Variants in ZC3H14 observed in about 807,000 individuals in gnomAD.
The protein encoded by ZC3H14 is zinc finger CCCH-type containing 14, also known as zinc finger CCCH domain-containing protein 14.
Under a neutral mutation model 92.4 loss-of-function variants are expected in ZC3H14, and 31 were observed. The ratio of observed to expected loss-of-function variants is 0.34; its 90% CI spans 0.25 to 0.45. The LOEUF (loss-of-function observed/expected upper bound fraction) is 0.45. ZC3H14 is among the 20% of genes least tolerant of loss of function. ZC3H14 has a pLI of 1.00. For missense variants in ZC3H14, 781 were observed against 897.3 expected, an observed-to-expected ratio of 0.87 and a Z score of 1.66; for synonymous variants, 321 against 300.9, an observed-to-expected ratio of 1.07 and a Z score of -0.69.
In ZC3H14 at chr14:88,586,393, A is replaced by T. The variant is rs1031592124; in HGVS notation, c.1279+8253A>T. Among the ~76,000 whole-genome samples, 3 of 152,194 alleles carry T rather than the reference A, an allele frequency of 2.0e-5. No individual in the cohort carries two copies. The South Asian group carries it at 6.2e-4, about 31-fold the overall frequency. On this transcript the variant is annotated intron_variant, in intron 9 of 16. Transcript: ENST00000251038. Reference sequence around the variant, plus strand: ...TTGGCAATATATTTTCCAAGAGTCTATTCACCTGTGAGTGTTTTCTTTCTT... The same window carrying T: ...TTGGCAATATATTTTCCAAGAGTCTTTTCACCTGTGAGTGTTTTCTTTCTT...
intron 5 of ZC3H14, 92 bp downstream of exon 5, chr14:88,572,317 G>T (rs1353180781): frequency 5.7e-6 from 8 of 1,412,858 alleles, no homozygotes; most frequent in Non-Finnish European, 7.8e-6. Flanking sequence ...GCTGTTCTCA[G>T]CAATTTTTAG....
Position 88,572,180 on chromosome 14 carries a change from C to A in ZC3H14, c.386C>A (p.Ser129Tyr). Reference sequence around the variant, plus strand: ...AGCGCGAGACCTGAAAAAAGAGATTCCAGAGTTTCTACAAGTTCGCAGGAG... The same window carrying A: ...AGCGCGAGACCTGAAAAAAGAGATTACAGAGTTTCTACAAGTTCGCAGGAG... ...IPSARPEKRD[S>Y]RVSTSSQESK... The change falls in exon 5 of 17, where the codon TCC (serine) becomes TAC (tyrosine). Residue 129 changes from serine (S) to tyrosine (Y), a missense_variant. This residue lies in a region of ZC3H14 where 454 missense variants were observed against 438.5 expected (regional missense o/e 1.04). Coordinates refer to ENST00000251038, the MANE Select transcript of ZC3H14 (RefSeq NM_024824.5). 6.2e-7 allele frequency: 1 copy of A among 1,614,064 alleles called. No individual in the cohort carries two copies. Among genetic ancestry groups the A allele is most frequent in the Non-Finnish European group, 8.5e-7 (1 of 1,180,022 alleles).
At chr14:88,588,254 CCCTGAGTCGGCTCTGCAATT>C (rs1421225834) in intron 9 of ZC3H14, among the ~76,000 whole-genome samples, 2 of 152,146 alleles carry the variant, frequency 1.3e-5, no homozygotes, top group African/African-American at 2.4e-5. Flanking sequence ...CGCCCTCCTC[CCCTGAGTCGGCTCTGCAATT>C]CCTGAATTCC....
intron 9 of ZC3H14, among the ~76,000 whole-genome samples, chr14:88,586,147 G>A (rs1056017996): frequency 2.0e-4 from 30 of 152,122 alleles, no homozygotes; most frequent in East Asian, 7.7e-4. Context: ...CAGCCTGAGC[G>A]ACAAAGCGAC....
chr14:88,569,296 C>G (rs2080093645), intron 3 of ZC3H14, among the ~76,000 whole-genome samples: 1 of 152,134 alleles, frequency 6.6e-6, no homozygotes, highest in Non-Finnish European at 1.5e-5. Context: ...CTGTTTCTCA[C>G]TTTTCTGTTT....
At position 88,563,094 on chromosome 14, in the gene ZC3H14, A is replaced by G; in HGVS notation, c.-40A>G. On this transcript the variant is annotated 5_prime_UTR_variant, in exon 1 of 17. Transcript: ENST00000251038. ...GTCCGCGGCAGCCTCCGGGTAAGCCAAGCGCCGCGCAGTGCTGAGTTCCCG... is the reference window on the plus strand; with the variant it reads ...GTCCGCGGCAGCCTCCGGGTAAGCCGAGCGCCGCGCAGTGCTGAGTTCCCG... 1.3e-6 allele frequency: 2 copies of G among 1,566,508 alleles called. 1 individual carries two copies. The highest frequency in any genetic ancestry group is 2.3e-5 in the South Asian group (2 of 85,822).
In ZC3H14 at chr14:88,572,150, T is replaced by C. The variant is rs2080499365; in HGVS notation, c.356T>C (p.Ile119Thr). The change falls in exon 5 of 17, where the codon ATT becomes ACT. Residue 119 changes from isoleucine (I) to threonine (T), a missense_variant. Coordinates refer to ENST00000251038, the MANE Select transcript of ZC3H14 (RefSeq NM_024824.5). ...GAAGCTGCAGTGCCACCACTTGCCA[T>C]TCCTAGCGCGAGACCTGAAAAAAGA... ...RHEAAVPPLA[I>T]PSARPEKRDS... 1.2e-6 allele frequency: 2 copies of C among 1,614,122 alleles called. No individual in the cohort carries two copies. The highest frequency in any genetic ancestry group is 8.5e-7 in the Non-Finnish European group (1 of 1,180,024).
chr14:88,609,716 T>C lies in ZC3H14; in HGVS notation c.2010T>C (p.Val670=). The change falls in exon 15 of 17, where the codon GTT becomes GTC. Residue 670 remains valine, a synonymous_variant. Transcript: ENST00000251038. ...RIPVLSPKPA[V]APPAPPSSSQ... is the part of the protein sequence containing the mutation. ...TCCTGGTTTTTATTTTGTTAGCAGT[T>C]GCACCACCAGCACCACCTTCCAGTA... 6.2e-7 allele frequency: 1 copy of C among 1,614,178 alleles called. No individual in the cohort carries two copies. The highest frequency in any genetic ancestry group is 8.5e-7 in the Non-Finnish European group (1 of 1,180,018).
chr14:88,616,723 T>G lies in ZC3H14; in HGVS notation c.*4972T>G. ...GATAATAGTAAACAAAACACAAACT[T>G]ACAAATTTTTCTGGACATGGGAAGT... On this transcript the variant is annotated 3_prime_UTR_variant, in exon 17 of 17. Coordinates refer to ENST00000251038, the MANE Select transcript of ZC3H14 (RefSeq NM_024824.5). The G allele has an allele frequency of 1.2e-6, 2 of 1,611,016 alleles. No individual in the cohort carries two copies. Among genetic ancestry groups the G allele is most frequent in the Non-Finnish European group, 1.7e-6 (2 of 1,178,372 alleles).
intron 10 of ZC3H14, among the ~76,000 whole-genome samples, chr14:88,601,469 C>T (rs2084637995): frequency 6.6e-6 from 1 of 152,206 alleles, no homozygotes; most frequent in Non-Finnish European, 1.5e-5. Context: ...GGAAATTATA[C>T]CACTTGAATT....
rs2080598726 is a variant in ZC3H14 at position 88,572,755 on chromosome 14, T to TA, written c.610dup (p.Thr204AsnfsTer10). 6.2e-7 allele frequency: 1 copy of TA among 1,614,186 alleles called. No individual in the cohort carries two copies. Among genetic ancestry groups the TA allele is most frequent in the Non-Finnish European group, 8.5e-7 (1 of 1,180,034 alleles). ...CTCAGAAAAAACCTACAGTGACACT[T>TA]ACATATGGTTCTTCTCGCCCTTCTA... On this transcript the variant is annotated frameshift_variant, in exon 6 of 17. Transcript: ENST00000251038. LOFTEE classifies it high-confidence loss of function.
At chr14:88,610,965 CA>C in intron 16 of ZC3H14, 25 bp downstream of exon 16, 1 of 1,556,944 alleles carries the variant, frequency 6.4e-7, no homozygotes, top group Non-Finnish European at 8.8e-7. Flanking sequence ...TCGTTTTTCT[CA>C]TGTCAGTTCA....
chr14:88,587,162 A>T lies in ZC3H14; in HGVS notation c.1279+9022A>T, dbSNP rs144693344. ...GACTTCTGAAAGATATGTATCCTTC[A>T]ATTCCTTTTTTTTTTTGGAGGTAGA... On this transcript the variant is annotated intron_variant, in intron 9 of 16. Coordinates refer to ENST00000251038, the MANE Select transcript of ZC3H14 (RefSeq NM_024824.5). Among the ~76,000 whole-genome samples, 457 of 121,350 alleles carry T rather than the reference A, an allele frequency of 3.8e-3. 3 individuals are homozygous for T. Among genetic ancestry groups the T allele is most frequent in the African/African-American group, 0.012 (443 of 38,242 alleles). 79.6% of individuals were successfully genotyped at this position (121,350 alleles called of 152,430 possible).
intron 10 of ZC3H14, among the ~76,000 whole-genome samples, chr14:88,600,062 C>T (rs2084389031): frequency 6.6e-6 from 1 of 152,258 alleles, no homozygotes; most frequent in Non-Finnish European, 1.5e-5. Flanking sequence ...GAATTTTCTA[C>T]TTCCTCTTAA....
Position 88,609,810 on chromosome 14 carries a change from A to C in ZC3H14, c.2097+7A>C. On this transcript the variant is annotated splice_region_variant and intron_variant, in intron 15 of 16. Transcript: ENST00000251038. The stretch of plus-strand genomic sequence containing the variant: ...TCCCTTCTATCATCCAAAAGTAAGA[A>C]CTTCTATTTTCTCAAATCAATTTAG... The C allele has an allele frequency of 6.2e-7, 1 of 1,612,842 alleles. No homozygotes were observed. Among genetic ancestry groups the C allele is most frequent in the Non-Finnish European group, 8.5e-7 (1 of 1,179,038 alleles).
intron 9 of ZC3H14, among the ~76,000 whole-genome samples, chr14:88,583,983 T>A (rs1299795443): frequency 6.6e-6 from 1 of 152,250 alleles, no homozygotes; most frequent in African/African-American, 2.4e-5. Flanking sequence ...TAGGCTGTTA[T>A]ATACTATTAG....
chr14:88,563,325 G>T (rs1307129403), intron 1 of ZC3H14, 156 bp downstream of exon 1: 1 of 1,498,288 alleles, frequency 6.7e-7, no homozygotes, highest in Non-Finnish European at 8.8e-7. Flanking sequence ...GGCCGCCTCG[G>T]CCCTGGGGAC....
chr14:88,572,080 C>G lies in ZC3H14; in HGVS notation c.286C>G (p.Pro96Ala), dbSNP rs80289104. ...SDTNIFDSNV[P>A]SNKSNFSRGD... ...TACCAACATCTTTGATAGTAACGTG[C>G]CTTCAAACAAGAGCAATTTCAGTCG... The change falls in exon 5 of 17, where the codon CCT becomes GCT. Residue 96 changes from proline to alanine, a missense_variant. Around this residue, in one of 3 missense-constraint regions of ZC3H14, gnomAD observed 106 missense variants for 154.2 expected, o/e 0.69. Coordinates refer to ENST00000251038, the MANE Select transcript of ZC3H14 (RefSeq NM_024824.5). 330 of 1,614,100 alleles carry G rather than the reference C, an allele frequency of 2.0e-4. No homozygotes were observed. In the East Asian group the frequency reaches 6.0e-3, roughly 29 times the overall value.
Position 88,610,931 on chromosome 14 carries a change from C to CTTG in ZC3H14, c.2196_2197insTGT (p.Pro732_Gln733insCys). 1.2e-6 allele frequency: 2 copies of CTTG among 1,613,980 alleles called. No homozygotes were observed. Among genetic ancestry groups the CTTG allele is most frequent in the Non-Finnish European group, 1.7e-6 (2 of 1,179,864 alleles). ...CGACATGCCTTGAAATGGATTCGACCTCAAACCAGGTAAACATTCAAATTC... is the reference window on the plus strand; with the variant it reads ...CGACATGCCTTGAAATGGATTCGACCTTGTCAAACCAGGTAAACATTCAAATTC... On this transcript the variant is annotated inframe_insertion, in exon 16 of 17. Transcript: ENST00000251038.
Sources: allele counts gnomAD v4.1 joint callset (sites outside exome capture counted in the v4.1 genomes callset), GRCh38; gene constraint gnomAD v4.1.1; regional missense constraint gnomAD v4.1.1; transcripts MANE v1.5; gene names NCBI Gene and HGNC (gene_info 2026-07-23, HGNC 2026-07-21).